The following SLC24A2 variants were observed in gnomAD, a reference collection of about 807,000 sequenced individuals.
SLC24A2 encodes the protein sodium/potassium/calcium exchanger 2.
A neutral mutation model predicts 62.0 loss-of-function variants in SLC24A2; 36 were observed. The ratio of observed to expected loss-of-function variants is 0.58; its 90% CI spans 0.44 to 0.77. SLC24A2 has a LOEUF of 0.77. Ranked by LOEUF, SLC24A2 falls within the 30% of genes least tolerant of loss-of-function variation. The pLI is 0.00. For synonymous variants in SLC24A2, 358 were observed against 294.0 expected, an observed-to-expected ratio of 1.22 and a Z score of -2.23; for missense variants, 846 against 817.9, an observed-to-expected ratio of 1.03 and a Z score of -0.42.
chr9:20,055,579 A>G, the SLC24A2 span, among the ~76,000 whole-genome samples: 1 of 152,078 alleles, frequency 6.6e-6, no homozygotes, highest in East Asian at 1.9e-4. Flanking sequence ...TAAGGGGTAG[A>G]ATCAGGATTT....
intron 2 of SLC24A2, among the ~76,000 whole-genome samples, chr9:19,714,693 G>A (rs2118615252): frequency 6.6e-6 from 1 of 152,196 alleles, no homozygotes; most frequent in East Asian, 1.9e-4. Context: ...CATATATAGA[G>A]TAAAATGGTC....
chr9:20,061,344 G>C, the SLC24A2 span, among the ~76,000 whole-genome samples: 5 of 151,934 alleles, frequency 3.3e-5, no homozygotes, highest in African/African-American at 1.2e-4. Flanking sequence ...GAAGGCAGTG[G>C]TGCATGATCT....
At chr9:20,196,152 T>C in the SLC24A2 span, among the ~76,000 whole-genome samples, 1 of 152,176 alleles carries the variant, frequency 6.6e-6, no homozygotes, top group Non-Finnish European at 1.5e-5. Context: ...AGTAATGCAT[T>C]TGAACTTGCT....
the SLC24A2 span, among the ~76,000 whole-genome samples, chr9:20,260,845 C>CTTTT: frequency 0.079 from 8,569 of 109,102 alleles, 526 homozygotes; most frequent in Non-Finnish European, 0.11. Flanking sequence ...ACGTATCATT[C>CTTTT]TTTCTTTTTT....
the SLC24A2 span, among the ~76,000 whole-genome samples, chr9:19,995,712 T>A: frequency 2.0e-5 from 3 of 152,208 alleles, no homozygotes; most frequent in African/African-American, 7.2e-5. Flanking sequence ...CACAGAGCAG[T>A]TAGCTAGTTA....
chr9:19,865,884 A>G, the SLC24A2 span, among the ~76,000 whole-genome samples: 1 of 152,214 alleles, frequency 6.6e-6, no homozygotes, highest in Non-Finnish European at 1.5e-5. Context: ...TGCAAAGCAA[A>G]GGAAACAATA....
the SLC24A2 span, among the ~76,000 whole-genome samples, chr9:20,037,721 A>G: frequency 0.016 from 2,443 of 152,230 alleles, 61 homozygotes; most frequent in African/African-American, 0.052. Context: ...CCCAAGAAAT[A>G]TTTGGTAATG....
At chr9:19,814,322 G>A in the SLC24A2 span, among the ~76,000 whole-genome samples, 1 of 152,154 alleles carries the variant, frequency 6.6e-6, no homozygotes, top group African/African-American at 2.4e-5. Flanking sequence ...CAAAGTGAGA[G>A]GTGGAAGCCA....
At chr9:20,151,285 T>G in the SLC24A2 span, among the ~76,000 whole-genome samples, 1 of 151,954 alleles carries the variant, frequency 6.6e-6, no homozygotes, top group Non-Finnish European at 1.5e-5. Flanking sequence ...GTGAATGACT[T>G]GCTTTGGTAG....
chr9:19,563,910 C>G (rs1408585918), intron 7 of SLC24A2, among the ~76,000 whole-genome samples: 2 of 143,778 alleles, frequency 1.4e-5, no homozygotes, highest in Non-Finnish European at 3.0e-5. Context: ...CTGGAGTGCA[C>G]TAGGGTGATC....
intron 8 of SLC24A2, among the ~76,000 whole-genome samples, chr9:19,545,359 C>A (rs1234026418): frequency 6.6e-6 from 1 of 152,042 alleles, no homozygotes. Context: ...AGCTTCCTTG[C>A]ATTGGGTTAG....
intron 2 of SLC24A2, among the ~76,000 whole-genome samples, chr9:19,747,359 A>T (rs1223502983): frequency 6.6e-6 from 1 of 152,138 alleles, no homozygotes; most frequent in African/African-American, 2.4e-5. Context: ...CATTTCTATA[A>T]TAGGTTTCAT....
chr9:19,898,614 C>A, the SLC24A2 span, among the ~76,000 whole-genome samples: 2 of 151,854 alleles, frequency 1.3e-5, no homozygotes, highest in African/African-American at 4.8e-5. Flanking sequence ...TGGTGGCGGG[C>A]ACCTGTAGTC....
chr9:19,725,099 A>G (rs1486632986), intron 2 of SLC24A2, among the ~76,000 whole-genome samples: 1 of 152,144 alleles, frequency 6.6e-6, no homozygotes, highest in Non-Finnish European at 1.5e-5. Context: ...TTGTACCCCT[A>G]GAGGCATTTT....
At chr9:20,288,970 C>G in the SLC24A2 span, among the ~76,000 whole-genome samples, 1 of 152,018 alleles carries the variant, frequency 6.6e-6, no homozygotes, top group Non-Finnish European at 1.5e-5. Flanking sequence ...AACCACCAGA[C>G]AAGTCCCTGA....
the SLC24A2 span, among the ~76,000 whole-genome samples, chr9:20,252,802 G>A: frequency 6.6e-6 from 1 of 152,132 alleles, no homozygotes; most frequent in Admixed American, 6.6e-5. Flanking sequence ...AAAAACATGG[G>A]ATCCCCACTC....
intron 2 of SLC24A2, among the ~76,000 whole-genome samples, chr9:19,675,259 AG>A (rs1259931704): frequency 6.6e-6 from 1 of 152,166 alleles, no homozygotes; most frequent in Non-Finnish European, 1.5e-5. Context: ...TGGAGGTGGC[AG>A]GGGAGTGAAA....
the SLC24A2 span, among the ~76,000 whole-genome samples, chr9:19,870,948 TC>T: frequency 6.6e-6 from 1 of 152,122 alleles, no homozygotes; most frequent in Non-Finnish European, 1.5e-5. Context: ...TTTTTTCCCA[TC>T]CTCTGGGTTG....
chr9:20,065,012 G>A, the SLC24A2 span, among the ~76,000 whole-genome samples: 1 of 152,182 alleles, frequency 6.6e-6, no homozygotes, highest in South Asian at 2.1e-4. Flanking sequence ...CTTCATTACT[G>A]GCAATCTGTG....
Sources: gnomAD v4.1 joint callset for allele counts (sites outside exome capture counted in the v4.1 genomes callset) on GRCh38, gnomAD v4.1.1 for gene constraint, MANE v1.5 for transcripts, NCBI Gene and HGNC (gene_info 2026-07-23, HGNC 2026-07-21) for gene names.